SCAF11: variants seen among roughly 807,000 people sequenced by gnomAD.
SCAF11 encodes protein SCAF11.
Under a neutral mutation model 140.5 loss-of-function variants are expected in SCAF11, and 47 were observed. That is an observed-to-expected ratio of 0.33 (90% CI 0.26 to 0.43). The LOEUF (loss-of-function observed/expected upper bound fraction) is 0.43. Ranked by LOEUF, SCAF11 falls within the 20% of genes least tolerant of loss-of-function variation. The pLI is 1.00. For missense variants in SCAF11, 1,645 were observed against 1,705.1 expected, an observed-to-expected ratio of 0.96 and a Z score of 0.62; for synonymous variants, 557 against 579.4, an observed-to-expected ratio of 0.96 and a Z score of 0.55.
chr12:45,971,344 G>C (rs1946068112), intron 1 of SCAF11, among the ~76,000 whole-genome samples: 1 of 152,170 alleles, frequency 6.6e-6, no homozygotes, highest in African/African-American at 2.4e-5. Context: ...TCCAGTTCCA[G>C]GTAAGATGGA....
At chr12:45,929,734 T>G (rs1944996870) in intron 10 of SCAF11, 1 of 152,238 alleles carries the variant, frequency 6.6e-6, no homozygotes, top group South Asian at 2.1e-4. Flanking sequence ...ATGTACAACA[T>G]GATGTTTTGA....
intron 6 of SCAF11, among the ~76,000 whole-genome samples, chr12:45,937,903 A>T (rs1231627206): frequency 1.3e-5 from 2 of 152,160 alleles, no homozygotes. Context: ...CACAGCCAGG[A>T]ATCTTCAGGA....
chr12:45,926,219 T>A lies in SCAF11; in HGVS notation c.3482A>T (p.Tyr1161Phe). Reference sequence around the variant, plus strand: ...AGAATTTCTGCCTCGTCGTGAGTAGTAGTTTTGTACATCTGCTGGCAAAGT... The same window carrying A: ...AGAATTTCTGCCTCGTCGTGAGTAGAAGTTTTGTACATCTGCTGGCAAAGT... The part of the protein sequence containing the change: ...RKTLPADVQN[Y>F]YSRRGRNSSG... The change falls in exon 11 of 15, where the codon TAC becomes TTC. Residue 1161 changes from tyrosine (Y) to phenylalanine (F), a missense_variant. This residue lies in a region of SCAF11 where 1,582 missense variants were observed against 1,609.2 expected (regional missense o/e 0.98). Transcript: ENST00000369367. The A allele has an allele frequency of 6.2e-7, 1 of 1,614,216 alleles. No homozygotes were observed. Among genetic ancestry groups the A allele is most frequent in the Non-Finnish European group, 8.5e-7 (1 of 1,180,030 alleles).
intron 3 of SCAF11, chr12:45,954,953 A>G (rs1226191878): frequency 6.6e-6 from 1 of 150,926 alleles, no homozygotes; most frequent in East Asian, 1.9e-4. Context: ...TTTTTCCTTA[A>G]GCATAATTGT....
rs1565689009 is a variant in SCAF11, at chr12:45,972,929, G to GATATATAGAT, written c.-21-8742_-21-8741insATCTATATAT. Among the ~76,000 whole-genome samples the GATATATAGAT allele has an allele frequency of 3.1e-3, 270 of 86,516 alleles. 21 individuals are homozygous for GATATATAGAT. The highest frequency in any genetic ancestry group is 0.015 in the African/African-American group (260 of 17,732). 56.8% of individuals were successfully genotyped at this position (86,516 alleles called of 152,430 possible). A position where few individuals can be genotyped will look rare whatever the true frequency, so the allele number is the denominator to read the frequency against. On this transcript the variant is annotated intron_variant, in intron 1 of 14. Coordinates refer to ENST00000369367, the MANE Select transcript of SCAF11 (RefSeq NM_004719.3). ...ATATAGATATATATATAGATATATAGATATATATAGATATATATATAGATA... is the reference window on the plus strand; with the variant it reads ...ATATAGATATATATATAGATATATAGATATATAGATATATATATAGATATATATATAGATA...
At chr12:45,960,664 T>C (rs962075302) in intron 3 of SCAF11, 8 of 152,126 alleles carry the variant, frequency 5.3e-5, no homozygotes, top group Non-Finnish European at 1.0e-4. Context: ...TTTATATGTA[T>C]ACTATTATTA....
chr12:45,951,954 C>T lies in SCAF11; in HGVS notation c.220-227G>A, dbSNP rs1013015272. On this transcript the variant is annotated intron_variant, in intron 3 of 14. Coordinates refer to ENST00000369367, the MANE Select transcript of SCAF11 (RefSeq NM_004719.3). ...CGAGACAGAATCTGTTATTAAAATC[C>T]CATTAAGATATGCTGCCCGGTTGAG... Among the ~76,000 whole-genome samples, 9 of 151,970 alleles carry T rather than the reference C, an allele frequency of 5.9e-5. No homozygotes were observed. In the East Asian group the frequency reaches 1.7e-3, roughly 29 times the overall value.
At chr12:45,980,913 GAT>G (rs1413360478) in intron 1 of SCAF11, among the ~76,000 whole-genome samples, 1 of 152,020 alleles carries the variant, frequency 6.6e-6, no homozygotes, top group Non-Finnish European at 1.5e-5. Flanking sequence ...AAACTAAACT[GAT>G]ATTAGTAAGA....
intron 1 of SCAF11, among the ~76,000 whole-genome samples, chr12:45,976,783 C>T (rs867648553): frequency 1.1e-4 from 16 of 151,558 alleles, no homozygotes; most frequent in Non-Finnish European, 4.4e-5. Context: ...TAAACTTGCA[C>T]CTTAAACTAA....
Position 45,920,827 on chromosome 12 carries a change from C to T in SCAF11, c.*1221G>A, listed in dbSNP as rs746466493. 1 of 152,366 alleles carries T rather than the reference C, an allele frequency of 6.6e-6. No individual in the cohort carries two copies. Among genetic ancestry groups the T allele is most frequent in the Non-Finnish European group, 1.5e-5 (1 of 68,018 alleles). 9.4% of individuals were successfully genotyped at this position (152,366 alleles called of 1,614,324 possible). On this transcript the variant is annotated 3_prime_UTR_variant, in exon 15 of 15. Coordinates refer to ENST00000369367, the MANE Select transcript of SCAF11 (RefSeq NM_004719.3). The stretch of plus-strand genomic sequence containing the variant: ...TCATCAGTGATTAGATAAACAACAA[C>T]TTTACGCCAGTGCCATGAGTCTTGT...
intron 1 of SCAF11, among the ~76,000 whole-genome samples, chr12:45,977,147 T>C (rs148344218): frequency 6.6e-6 from 1 of 151,988 alleles, no homozygotes; most frequent in Non-Finnish European, 1.5e-5. Context: ...ATTTTATGAA[T>C]CCAGCATTAT....
At chr12:45,964,947 C>G (rs1039523694) in intron 1 of SCAF11, among the ~76,000 whole-genome samples, 2 of 147,094 alleles carry the variant, frequency 1.4e-5, no homozygotes, top group African/African-American at 5.4e-5. Flanking sequence ...GTGTGTGTGT[C>G]TACTAAGGAG....
At chr12:45,959,844 G>A (rs982604942) in intron 3 of SCAF11, among the ~76,000 whole-genome samples, 19 of 152,056 alleles carry the variant, frequency 1.2e-4, no homozygotes, top group Non-Finnish European at 2.6e-4. Flanking sequence ...CAGGGACAAC[G>A]AAATAATTCA....
In SCAF11 at chr12:45,975,549, C is replaced by T. The variant is rs1342082739; in HGVS notation, c.-21-11361G>A. On this transcript the variant is annotated intron_variant, in intron 1 of 14. Coordinates refer to ENST00000369367, the MANE Select transcript of SCAF11 (RefSeq NM_004719.3). The stretch of plus-strand genomic sequence containing the variant: ...CTTAAACTTCATGAACCAACCTCTG[C>T]TAGCTTCAAACTTTTCTTCTGCAGC... 3.1e-5 allele frequency: 6 copies of T among 191,084 alleles called. No individual in the cohort carries two copies. The South Asian group carries it at 6.3e-4, about 20-fold the overall frequency. 11.8% of individuals were successfully genotyped at this position (191,084 alleles called of 1,614,324 possible).
chr12:45,947,803 A>C (rs544224599), intron 5 of SCAF11, among the ~76,000 whole-genome samples: 1 of 152,198 alleles, frequency 6.6e-6, no homozygotes, highest in South Asian at 2.1e-4. Context: ...CAACTTCCTA[A>C]GTAGCTGGAA....
chr12:45,991,577 C>G (rs957897171), upstream of SCAF11, among the ~76,000 whole-genome samples: 9 of 152,122 alleles, frequency 5.9e-5, no homozygotes, highest in African/African-American at 1.9e-4. Context: ...ACAACAAAAA[C>G]TTTATCATTA....
intron 4 of SCAF11, among the ~76,000 whole-genome samples, chr12:45,949,298 T>A (rs1183464431): frequency 6.6e-6 from 1 of 152,144 alleles, no homozygotes; most frequent in Non-Finnish European, 1.5e-5. Context: ...AATTGGAATG[T>A]GCCGCAAGTA....
intron 1 of SCAF11, among the ~76,000 whole-genome samples, chr12:45,975,904 C>T (rs764924330): frequency 1.3e-5 from 2 of 152,046 alleles, no homozygotes; most frequent in Non-Finnish European, 2.9e-5. Context: ...TCACATATCA[C>T]AACAGATATA....
chr12:45,971,662 G>A (rs1478489038), intron 1 of SCAF11, among the ~76,000 whole-genome samples: 1 of 152,122 alleles, frequency 6.6e-6, no homozygotes, highest in East Asian at 1.9e-4. Context: ...TGGGGGTAAG[G>A]AGTGTCTCCT....
Sources: allele counts gnomAD v4.1 joint callset (sites outside exome capture counted in the v4.1 genomes callset), GRCh38; gene constraint gnomAD v4.1.1; regional missense constraint gnomAD v4.1.1; transcripts MANE v1.5; gene names NCBI Gene and HGNC (gene_info 2026-07-23, HGNC 2026-07-21).